DENND5B: variants seen among roughly 807,000 people sequenced by gnomAD.
DENND5B encodes the protein DENN domain containing 5B.
In DENND5B, 34 loss-of-function variants were observed where a neutral mutation model predicts 140.6. The observed-to-expected ratio is 0.24, with a 90% confidence interval of 0.18 to 0.32. DENND5B has a LOEUF of 0.32. Ranked by LOEUF, DENND5B falls within the 10% of genes least tolerant of loss-of-function variation. The probability of loss-of-function intolerance (pLI) is 1.00; values close to 1 mark genes in which losing one functional copy is unlikely to be tolerated. For synonymous variants in DENND5B, 551 were observed against 562.1 expected (o/e 0.98, Z 0.28); for missense variants, 1,142 against 1,560.2 (o/e 0.73, Z 4.52).
intron 15 of DENND5B, among the ~76,000 whole-genome samples, 165 bp downstream of exon 15, chr12:31,402,333 A>C (rs563514421): frequency 5.5e-4 from 84 of 152,330 alleles, no homozygotes; most frequent in African/African-American, 1.8e-3. Flanking sequence ...ATTAGTATAT[A>C]AGCTGCTTAA....
At chr12:31,468,703 T>C (rs1358370358) in intron 3 of DENND5B, among the ~76,000 whole-genome samples, 1 of 151,108 alleles carries the variant, frequency 6.6e-6, no homozygotes, top group East Asian at 1.9e-4. Flanking sequence ...TCCAGCTACG[T>C]GGGAGGCTAA....
intron 1 of DENND5B, among the ~76,000 whole-genome samples, chr12:31,582,782 G>A (rs1013779827): frequency 1.3e-5 from 2 of 152,136 alleles, no homozygotes; most frequent in Admixed American, 6.5e-5. Context: ...TTCACTTGAC[G>A]ATAAGGTTAC....
chr12:31,505,481 C>A (rs1424187220), intron 1 of DENND5B, among the ~76,000 whole-genome samples: 1 of 152,130 alleles, frequency 6.6e-6, no homozygotes, highest in African/African-American at 2.4e-5. Flanking sequence ...AGATGATCTG[C>A]CCGCTTCAGC....
intron 1 of DENND5B, among the ~76,000 whole-genome samples, chr12:31,522,546 C>G (rs1947935232): frequency 6.6e-6 from 1 of 152,134 alleles, no homozygotes; most frequent in Non-Finnish European, 1.5e-5. Flanking sequence ...TGGGCTCAAG[C>G]CATCCTCCCC....
chr12:31,541,029 T>A (rs566391526), intron 1 of DENND5B: 4 of 425,384 alleles, frequency 9.4e-6, no homozygotes, highest in Non-Finnish European at 1.8e-5. Flanking sequence ...TGACCCCGTA[T>A]CTCTTACCAT....
intron 4 of DENND5B, among the ~76,000 whole-genome samples, chr12:31,456,026 A>AAAC (rs770297405): frequency 2.0e-5 from 3 of 148,564 alleles, no homozygotes; most frequent in Admixed American, 6.7e-5. Context: ...CTCAAAAACA[A>AAAC]AACAACAACA....
In DENND5B at chr12:31,424,644, T is replaced by TCCA; in HGVS notation, c.2279_2281dup (p.Val760dup). ...GATGTTTGCTTCTCCATGGCCAAGT[T>TCCA]CCACCGCTTCATGTCCCATCTTCTC... On this transcript the variant is annotated inframe_insertion, in exon 10 of 21. Transcript: ENST00000389082. 6.2e-7 allele frequency: 1 copy of TCCA among 1,613,934 alleles called. No individual in the cohort carries two copies. Among genetic ancestry groups the TCCA allele is most frequent in the South Asian group, 1.1e-5 (1 of 91,078 alleles).
chr12:31,497,745 C>T (rs1266426161), intron 1 of DENND5B, among the ~76,000 whole-genome samples: 1 of 122,786 alleles, frequency 8.1e-6, no homozygotes, highest in African/African-American at 3.1e-5. Flanking sequence ...AACCTCATCT[C>T]GAAAGAAAGG....
At chr12:31,580,074 AAATG>A (rs1950167408) in intron 1 of DENND5B, among the ~76,000 whole-genome samples, 1 of 152,142 alleles carries the variant, frequency 6.6e-6, no homozygotes, top group East Asian at 1.9e-4. Flanking sequence ...ACAAATCTGT[AAATG>A]CAGTTTCCTA....
intron 4 of DENND5B, among the ~76,000 whole-genome samples, chr12:31,459,484 TTCA>T (rs1324595997): frequency 6.6e-6 from 1 of 151,984 alleles, no homozygotes; most frequent in Non-Finnish European, 1.5e-5. Flanking sequence ...AGAGATGGGT[TTCA>T]TCATGTTAGC....
chr12:31,436,629 G>C (rs1289773494), intron 7 of DENND5B, among the ~76,000 whole-genome samples: 2 of 151,882 alleles, frequency 1.3e-5, no homozygotes, highest in Non-Finnish European at 2.9e-5. Context: ...CTGCCTCCCA[G>C]GTTCAAGCAA....
chr12:31,430,363 A>T (rs1324120751), intron 8 of DENND5B, among the ~76,000 whole-genome samples: 2 of 151,016 alleles, frequency 1.3e-5, no homozygotes, highest in Non-Finnish European at 3.0e-5. Context: ...TTAAAAATTA[A>T]CCACTGTCGG....
At chr12:31,430,236 T>C (rs1024721803) in intron 8 of DENND5B, among the ~76,000 whole-genome samples, 1 of 146,880 alleles carries the variant, frequency 6.8e-6, no homozygotes, top group African/African-American at 2.5e-5. Flanking sequence ...TTGGCCAGGC[T>C]GGACTCGAAC....
At chr12:31,524,939 C>T (rs1591981199) in intron 1 of DENND5B, among the ~76,000 whole-genome samples, 2 of 152,230 alleles carry the variant, frequency 1.3e-5, no homozygotes, top group East Asian at 3.9e-4. Flanking sequence ...AATGATACAC[C>T]TCATGAGAAC....
chr12:31,406,083 G>A (rs1012849670), intron 14 of DENND5B, among the ~76,000 whole-genome samples: 1 of 151,534 alleles, frequency 6.6e-6, no homozygotes, highest in Non-Finnish European at 1.5e-5. Context: ...CTGACCTCAG[G>A]TGATCCGCCA....
rs548959990 is a variant in DENND5B, at chr12:31,524,935, AC to A, written c.128-29017del. Among the ~76,000 whole-genome samples the A allele has an allele frequency of 1.2e-4, 18 of 152,272 alleles. No individual in the cohort carries two copies. The South Asian group carries it at 3.7e-3, about 32-fold the overall frequency. On this transcript the variant is annotated intron_variant, in intron 1 of 20. Transcript: ENST00000389082. ...CCCTTTCTTCATCTACTAAAATGAT[AC>A]ACCTCATGAGAACATACACAAATGA...
intron 20 of DENND5B, 142 bp from the exon 21 acceptor site, chr12:31,387,928 A>G: frequency 1.3e-6 from 1 of 794,746 alleles, no homozygotes; most frequent in Non-Finnish European, 1.9e-6. Flanking sequence ...GAGAGAGGAA[A>G]TCAAAGCCAA....
At chr12:31,578,336 A>G (rs550302758) in intron 1 of DENND5B, among the ~76,000 whole-genome samples, 1 of 152,176 alleles carries the variant, frequency 6.6e-6, no homozygotes, top group South Asian at 2.1e-4. Context: ...ACACACTCCC[A>G]TGGGTGTCCT....
At chr12:31,478,054 A>G (rs1265853611) in intron 3 of DENND5B, 2 of 154,688 alleles carry the variant, frequency 1.3e-5, no homozygotes, top group Non-Finnish European at 2.9e-5. Context: ...AAAGTGTTTC[A>G]CTAAAATATA....
Sources: allele counts gnomAD v4.1 joint callset (sites outside exome capture counted in the v4.1 genomes callset), GRCh38; gene constraint gnomAD v4.1.1; transcripts MANE v1.5; gene names NCBI Gene and HGNC (gene_info 2026-07-23, HGNC 2026-07-21).